ITGA8: variants seen among roughly 807,000 people sequenced by gnomAD.
ITGA8 encodes the protein integrin alpha-8.
In ITGA8, 91 loss-of-function variants were observed where a neutral mutation model predicts 142.3. The observed-to-expected ratio is 0.64, with a 90% CI of 0.54 to 0.76. The LOEUF is 0.76. Among genes scored for constraint, ITGA8 ranks in the 30% least tolerant of loss-of-function variants. The pLI, the probability that ITGA8 is intolerant of heterozygous loss-of-function variation, is 0.00. For synonymous variants in ITGA8, 505 were observed against 485.2 expected (o/e 1.04, Z -0.54); for missense variants, 1,406 against 1,327.7 (o/e 1.06, Z -0.92).
At chr10:15,639,003 C>A (rs1263890077) in intron 13 of ITGA8, among the ~76,000 whole-genome samples, 1 of 152,002 alleles carries the variant, frequency 6.6e-6, no homozygotes, top group Non-Finnish European at 1.5e-5. Context: ...GTGGCCTGCT[C>A]CTGTGGTCCC....
intron 13 of ITGA8, among the ~76,000 whole-genome samples, chr10:15,641,472 G>A (rs1833870181): frequency 6.6e-6 from 1 of 152,152 alleles, no homozygotes; most frequent in Admixed American, 6.5e-5. Context: ...CTGGGATCTT[G>A]CTATGAAGTT....
rs372991830 is a variant in ITGA8 at position 15,592,241 on chromosome 10, C to G, written c.2275G>C (p.Asp759His). Residue 759 changes from aspartate to histidine, a missense_variant, in exon 22 of 30, where the codon GAT (aspartate) becomes CAT (histidine). Transcript: ENST00000378076. ...AGGTCTAACCTTCTGATTTGGAGAT[C>G]GAAGTTAATGCTCATGTTTGTTTTC... ...LEKTNMSINF[D>H]LQIRSSNKDN... 3.1e-5 allele frequency: 50 copies of G among 1,613,188 alleles called. No homozygotes were observed. The highest frequency in any genetic ancestry group is 3.8e-5 in the Non-Finnish European group (45 of 1,179,368).
intron 28 of ITGA8, 31 bp downstream of exon 28, chr10:15,531,019 T>C (rs375230542): frequency 4.7e-5 from 50 of 1,053,724 alleles, no homozygotes; most frequent in Non-Finnish European, 6.8e-5. Context: ...AATTAAATTA[T>C]TTGTGCCTAT....
chr10:15,518,378 AC>A (rs1472154484), intron 29 of ITGA8, among the ~76,000 whole-genome samples: 2 of 152,234 alleles, frequency 1.3e-5, no homozygotes, highest in Non-Finnish European at 2.9e-5. Context: ...TGACAGAACA[AC>A]ACAAAAGTCC....
At chr10:15,560,496 C>T (rs1279021107) in intron 25 of ITGA8, among the ~76,000 whole-genome samples, 1 of 152,056 alleles carries the variant, frequency 6.6e-6, no homozygotes, top group Non-Finnish European at 1.5e-5. Context: ...CCAAATAAGG[C>T]ATGAAAACAA....
chr10:15,660,835 T>C (rs1834271105), intron 9 of ITGA8, 44 bp downstream of exon 9: 2 of 1,476,212 alleles, frequency 1.4e-6, no homozygotes, highest in South Asian at 1.1e-5. Context: ...GGAGCACCTA[T>C]ACAAGAAAAT....
chr10:15,551,175 C>T (rs1183004767), intron 26 of ITGA8, among the ~76,000 whole-genome samples: 2 of 150,728 alleles, frequency 1.3e-5, no homozygotes, highest in African/African-American at 4.9e-5. Context: ...GCCTTTAAGG[C>T]TTGAATTCAG....
chr10:15,516,713 T>G lies in ITGA8; in HGVS notation c.*445A>C, dbSNP rs11259720. On this transcript the variant is annotated 3_prime_UTR_variant, in exon 30 of 30. Coordinates refer to ENST00000378076, the MANE Select transcript of ITGA8 (RefSeq NM_003638.3). ...CATAGGGAGGTGTCAAATGTTCCAT[T>G]GGATACAGTAGTGTTGGATGGTGTG... The G allele has an allele frequency of 2.0e-5, 3 of 152,894 alleles. No individual in the cohort carries two copies. In the East Asian group the frequency reaches 5.8e-4, roughly 29 times the overall value. The allele number at this position is 152,894 out of a possible 1,614,324, so 9.5% of individuals were successfully genotyped here. A position where few individuals can be genotyped will look rare whatever the true frequency, so the allele number is the denominator to read the frequency against.
At chr10:15,566,239 G>C (rs771878486) in intron 25 of ITGA8, among the ~76,000 whole-genome samples, 58 of 152,082 alleles carry the variant, frequency 3.8e-4, no homozygotes, top group Non-Finnish European at 6.5e-4. Context: ...GACATTCTCG[G>C]CGGCAACCTC....
intron 24 of ITGA8, among the ~76,000 whole-genome samples, chr10:15,574,516 G>A (rs1381007876): frequency 1.3e-5 from 2 of 151,804 alleles, no homozygotes; most frequent in Non-Finnish European, 1.5e-5. Context: ...TCAGCCTTTC[G>A]AGTAGCTGGG....
chr10:15,665,584 C>T (rs928873884), intron 8 of ITGA8, among the ~76,000 whole-genome samples: 3 of 151,926 alleles, frequency 2.0e-5, no homozygotes, highest in Non-Finnish European at 4.4e-5. Flanking sequence ...GACATGAAGT[C>T]CTTGCCCATG....
At chr10:15,709,441 C>A (rs1412883893) in intron 2 of ITGA8, among the ~76,000 whole-genome samples, 1 of 152,140 alleles carries the variant, frequency 6.6e-6, no homozygotes, top group East Asian at 1.9e-4. Context: ...GATTTTATAA[C>A]TCATCATATA....
intron 27 of ITGA8, among the ~76,000 whole-genome samples, chr10:15,543,194 C>G (rs1833605035): frequency 6.6e-6 from 1 of 152,148 alleles, no homozygotes; most frequent in Admixed American, 6.5e-5. Flanking sequence ...TTGAACACAA[C>G]CAGGCAGGAA....
At chr10:15,610,690 G>A (rs910193714) in intron 15 of ITGA8, among the ~76,000 whole-genome samples, 3 of 152,130 alleles carry the variant, frequency 2.0e-5, no homozygotes, top group Non-Finnish European at 2.9e-5. Flanking sequence ...AGCTGTCTAT[G>A]ATGAAGAGAA....
At position 15,572,362 on chromosome 10, in the gene ITGA8, T is replaced by C. The variant is rs767353998; in HGVS notation, c.2486A>G (p.Asn829Ser). Residue 829 changes from asparagine to serine, a missense_variant, in exon 25 of 30, where the codon AAT (asparagine) becomes AGT (serine). By Grantham distance (46) the Asn-to-Ser change is conservative. Transcript: ENST00000378076. ...GTCACTGATGGTACTTGGTCCAATA[T>C]TGTGCAGCTGTAAACAAGTGACATG... ...PLVEHIYELHNIGPSTISDTI... is the reference protein window; with the variant it reads ...PLVEHIYELHSIGPSTISDTI... The C allele has an allele frequency of 1.9e-6, 3 of 1,613,980 alleles. No individual in the cohort carries two copies. The Admixed American group carries it at 5.0e-5, about 27-fold the overall frequency.
At chr10:15,525,951 G>C (rs922539548) in intron 28 of ITGA8, among the ~76,000 whole-genome samples, 3 of 152,090 alleles carry the variant, frequency 2.0e-5, no homozygotes, top group Admixed American at 6.5e-5. Flanking sequence ...TGGTTAAAGT[G>C]AAATGTAGTC....
chr10:15,633,450 G>C (rs1833717878), intron 13 of ITGA8, among the ~76,000 whole-genome samples: 1 of 151,806 alleles, frequency 6.6e-6, no homozygotes, highest in African/African-American at 2.4e-5. Context: ...TTATTTTTTT[G>C]AGATGAATTC....
chr10:15,581,216 A>C (rs1834401216), intron 23 of ITGA8, among the ~76,000 whole-genome samples: 1 of 152,214 alleles, frequency 6.6e-6, no homozygotes, highest in African/African-American at 2.4e-5. Flanking sequence ...GATCAATTAC[A>C]TGGGCAGATG....
intron 23 of ITGA8, among the ~76,000 whole-genome samples, chr10:15,578,800 A>T (rs908421904): frequency 6.6e-6 from 1 of 152,044 alleles, no homozygotes; most frequent in Non-Finnish European, 1.5e-5. Context: ...ACCACTCTTC[A>T]TGGACTCAGT....
Sources: gnomAD v4.1 joint callset for allele counts (sites outside exome capture counted in the v4.1 genomes callset) on GRCh38, gnomAD v4.1.1 for gene constraint, MANE v1.5 for transcripts, NCBI Gene and HGNC (gene_info 2026-07-23, HGNC 2026-07-21) for gene names.